GBE1: variants seen among roughly 807,000 people sequenced by gnomAD.
GBE1 encodes the protein 1,4-alpha-glucan branching enzyme 1.
Under a neutral mutation model 88.8 loss-of-function variants are expected in GBE1, and 70 were observed. The ratio of observed to expected loss-of-function variants is 0.79; its 90% CI spans 0.65 to 0.96. The LOEUF is 0.96. Among genes scored for constraint, GBE1 ranks in the 40% least tolerant of loss-of-function variants. The pLI is 0.00. For synonymous variants in GBE1, 284 were observed against 300.1 expected, an observed-to-expected ratio of 0.95 and a Z score of 0.56; for missense variants, 872 against 871.0, an observed-to-expected ratio of 1.00 and a Z score of -0.01.
chr3:81,744,066 T>C (rs1051450686), intron 1 of GBE1, among the ~76,000 whole-genome samples: 1 of 152,142 alleles, frequency 6.6e-6, no homozygotes, highest in African/African-American at 2.4e-5. Context: ...TTCTCCCTCC[T>C]TAATCTTCCC....
At position 81,718,324 on chromosome 3, in the gene GBE1, T is replaced by C. The variant is rs1705971010; in HGVS notation, c.144-12711A>G. Among the ~76,000 whole-genome samples the C allele has an allele frequency of 3.3e-5, 5 of 152,026 alleles. No individual in the cohort carries two copies. The South Asian group carries it at 1.0e-3, about 32-fold the overall frequency. On this transcript the variant is annotated intron_variant, in intron 1 of 15. Coordinates refer to ENST00000429644, the MANE Select transcript of GBE1 (RefSeq NM_000158.4). ...AGAGAAATAATCTGGACAGAAAAAA[T>C]AATAATAATTTATAAATATTACAAA...
chr3:81,499,291 G>T, intron 14 of GBE1, 64 bp from the exon 15 acceptor site: 1 of 930,342 alleles, frequency 1.1e-6, no homozygotes, highest in Non-Finnish European at 1.7e-6. Flanking sequence ...AATACGTGCT[G>T]AGAGAGCAAT....
intron 14 of GBE1, among the ~76,000 whole-genome samples, chr3:81,523,133 T>TG (rs1206368982): frequency 6.6e-6 from 1 of 150,894 alleles, no homozygotes; most frequent in Non-Finnish European, 1.5e-5. Flanking sequence ...TGCTGACTTA[T>TG]GGGGGTCACA....
intron 7 of GBE1, among the ~76,000 whole-genome samples, chr3:81,614,947 T>C (rs1195125350): frequency 2.0e-5 from 3 of 151,970 alleles, no homozygotes; most frequent in Non-Finnish European, 4.4e-5. Flanking sequence ...GAGAATCGTC[T>C]GAGCCCAGGG....
chr3:81,573,870 A>C (rs1375416072), intron 12 of GBE1, among the ~76,000 whole-genome samples: 1 of 152,148 alleles, frequency 6.6e-6, no homozygotes, highest in African/African-American at 2.4e-5. Context: ...ATATATACAC[A>C]CATAATTATA....
In GBE1 at chr3:81,761,641, A is replaced by G. The variant is rs2107251406; in HGVS notation, c.-124T>C. The G allele has an allele frequency of 8.4e-7, 1 of 1,190,240 alleles. No homozygotes were observed. Among genetic ancestry groups the G allele is most frequent in the South Asian group, 1.5e-5 (1 of 65,436 alleles). The allele number at this position is 1,190,240 out of a possible 1,614,324, so 73.7% of individuals were successfully genotyped here. A position where few individuals can be genotyped will look rare whatever the true frequency, so the allele number is the denominator to read the frequency against. Reference sequence around the variant, plus strand: ...GAGGGCGCCTAGGCGTGTCGAGGCAAGCCGAGGCGAGCCGCGGCGGTCCGG... The same window carrying G: ...GAGGGCGCCTAGGCGTGTCGAGGCAGGCCGAGGCGAGCCGCGGCGGTCCGG... On this transcript the variant is annotated 5_prime_UTR_variant, in exon 1 of 16. Transcript: ENST00000429644.
chr3:81,738,399 T>G (rs1401149021), intron 1 of GBE1, among the ~76,000 whole-genome samples: 2 of 151,870 alleles, frequency 1.3e-5, no homozygotes, highest in Non-Finnish European at 2.9e-5. Context: ...TTTCTCCACA[T>G]CCTCTCCAGC....
intron 12 of GBE1, among the ~76,000 whole-genome samples, chr3:81,575,473 T>C (rs1050984230): frequency 2.0e-5 from 3 of 152,162 alleles, no homozygotes; most frequent in Non-Finnish European, 2.9e-5. Flanking sequence ...TTAATGACTT[T>C]TGATAAACAG....
Position 81,530,551 on chromosome 3 carries a change from C to T in GBE1, c.1934+4644G>A, listed in dbSNP as rs186847738. ...TTGCAGTGGTATCCGTATTAAGGGG[C>T]TCCACTCTTGTTGACTCATAGAGGT... On this transcript the variant is annotated intron_variant, in intron 14 of 15. Transcript: ENST00000429644. 1.3e-5 allele frequency among the ~76,000 whole-genome samples: 2 copies of T among 152,054 alleles called. 1 individual carries two copies. The highest frequency in any genetic ancestry group is 3.9e-4 in the East Asian group (2 of 5,116).
chr3:81,546,766 C>A (rs1703209669), intron 12 of GBE1, among the ~76,000 whole-genome samples: 1 of 151,368 alleles, frequency 6.6e-6, no homozygotes, highest in African/African-American at 2.4e-5. Flanking sequence ...AATGAACAAC[C>A]AGCAGCCCTT....
intron 7 of GBE1, among the ~76,000 whole-genome samples, chr3:81,598,166 T>C (rs1703984544): frequency 6.6e-6 from 1 of 151,976 alleles, no homozygotes; most frequent in African/African-American, 2.4e-5. Flanking sequence ...TCACTGGATG[T>C]TACTAAACCT....
chr3:81,625,347 A>C (rs1704398465), intron 7 of GBE1, among the ~76,000 whole-genome samples: 1 of 152,150 alleles, frequency 6.6e-6, no homozygotes. Flanking sequence ...AGGCACCTGG[A>C]GTCTGTAAAT....
intron 1 of GBE1, among the ~76,000 whole-genome samples, chr3:81,712,574 C>A (rs1244446939): frequency 5.9e-5 from 9 of 151,508 alleles, no homozygotes; most frequent in Non-Finnish European, 1.0e-4. Context: ...CGCATGTTCT[C>A]ACTCATAGGT....
intron 12 of GBE1, among the ~76,000 whole-genome samples, chr3:81,546,172 C>T (rs1398239976): frequency 6.6e-6 from 1 of 151,822 alleles, no homozygotes. Context: ...GAACATACCC[C>T]AGTGGAAAAG....
At chr3:81,564,305 T>G (rs950390940) in intron 12 of GBE1, among the ~76,000 whole-genome samples, 2 of 152,024 alleles carry the variant, frequency 1.3e-5, no homozygotes, top group African/African-American at 4.8e-5. Flanking sequence ...GGCACCGCAG[T>G]GGGTGTATTC....
At chr3:81,707,708 C>A (rs1250181773) in intron 1 of GBE1, among the ~76,000 whole-genome samples, 1 of 151,940 alleles carries the variant, frequency 6.6e-6, no homozygotes, top group African/African-American at 2.4e-5. Context: ...TTTTTAATTT[C>A]TTTATTAATC....
chr3:81,702,144 T>A (rs1705703353), intron 2 of GBE1, among the ~76,000 whole-genome samples: 1 of 141,634 alleles, frequency 7.1e-6, no homozygotes, highest in African/African-American at 2.7e-5. Context: ...TGTGTGTGTG[T>A]GTGTGTGTGT....
chr3:81,616,117 G>T (rs900680019), intron 7 of GBE1, among the ~76,000 whole-genome samples: 3 of 151,962 alleles, frequency 2.0e-5, no homozygotes, highest in African/African-American at 7.2e-5. Context: ...TTTATGTATT[G>T]TGGATTTGAG....
intron 7 of GBE1, among the ~76,000 whole-genome samples, chr3:81,624,200 C>T (rs560995774): frequency 6.6e-6 from 1 of 152,224 alleles, no homozygotes; most frequent in African/African-American, 2.4e-5. Context: ...GGACAAGCCC[C>T]TTATAAAACC....
Sources: gnomAD v4.1 joint callset for allele counts (sites outside exome capture counted in the v4.1 genomes callset) on GRCh38, gnomAD v4.1.1 for gene constraint, MANE v1.5 for transcripts, NCBI Gene and HGNC (gene_info 2026-07-23, HGNC 2026-07-21) for gene names.